Variants in TLL2 observed in about 807,000 individuals in gnomAD.
The protein encoded by TLL2 is tolloid-like protein 2.
TLL2 carries 106 observed loss-of-function variants against 123.0 expected under a neutral mutation model. The ratio of observed to expected loss-of-function variants is 0.86; its 90% CI spans 0.74 to 1.01. The LOEUF (loss-of-function observed/expected upper bound fraction) is 1.01, where lower values mean the gene tolerates loss of function less well. TLL2 is among the 50% of genes least tolerant of loss of function. The pLI is 0.00. For synonymous variants in TLL2, 494 were observed against 516.8 expected, an observed-to-expected ratio of 0.96 and a Z score of 0.60; for missense variants, 1,332 against 1,336.7, an observed-to-expected ratio of 1.00 and a Z score of 0.06.
At position 96,395,968 on chromosome 10, in the gene TLL2, G is replaced by C. The variant is rs1427934323; in HGVS notation, c.1437C>G (p.Asn479Lys). ...TGGAAGGTCTGTAGTCATCCGGATA[G>C]TTGGGAGATTGAATCTGACCGGCAT... is the stretch of plus-strand genomic sequence containing the variant. Reference protein sequence around the residue: ...NKDAGQIQSPNYPDDYRPSKE... With the variant: ...NKDAGQIQSPKYPDDYRPSKE... The change falls in exon 12 of 21, where the codon AAC (asparagine) becomes AAG (lysine). Residue 479 changes from asparagine (N) to lysine (K), a missense_variant. Transcript: ENST00000357947. 6.2e-7 allele frequency: 1 copy of C among 1,614,074 alleles called. No homozygotes were observed. Among genetic ancestry groups the C allele is most frequent in the African/African-American group, 1.3e-5 (1 of 74,926 alleles).
At chr10:96,418,921 C>A (rs1423560506) in intron 7 of TLL2, among the ~76,000 whole-genome samples, 1 of 151,140 alleles carries the variant, frequency 6.6e-6, no homozygotes, top group Non-Finnish European at 1.5e-5. Flanking sequence ...AGAAACAAGA[C>A]CCAAGGAAAA....
intron 3 of TLL2, among the ~76,000 whole-genome samples, chr10:96,438,690 A>G (rs574647400): frequency 9.2e-5 from 14 of 152,342 alleles, no homozygotes; most frequent in East Asian, 5.8e-4. Context: ...TTCCAGAACT[A>G]TGCTGAATGA....
Position 96,384,664 on chromosome 10 carries a change from T to G in TLL2, c.2117A>C (p.Gln706Pro). 6.2e-7 allele frequency: 1 copy of G among 1,613,116 alleles called. No individual in the cohort carries two copies. Among genetic ancestry groups the G allele is most frequent in the Non-Finnish European group, 8.5e-7 (1 of 1,179,392 alleles). ...GSETPEVITS[Q>P]SNNMRVEFKS... ...GAACTCCACGCGCATGTTGTTGCTC[T>G]GCGAGGTGATGACCTCCGGCGTCTC... The change falls in exon 16 of 21, where the codon CAG becomes CCG. Residue 706 changes from glutamine (Q) to proline (P), a missense_variant. Coordinates refer to ENST00000357947, the MANE Select transcript of TLL2 (RefSeq NM_012465.4).
At chr10:96,428,839 T>A (rs540486921) in intron 4 of TLL2, 91 bp from the exon 5 acceptor site, 75 of 858,556 alleles carry the variant, frequency 8.7e-5, no homozygotes, top group Non-Finnish European at 1.3e-4. Flanking sequence ...AGTTTTGCCT[T>A]TGTTGCCCAG....
intron 3 of TLL2, among the ~76,000 whole-genome samples, chr10:96,434,650 T>A (rs1846775647): frequency 6.6e-6 from 1 of 152,250 alleles, no homozygotes; most frequent in Non-Finnish European, 1.5e-5. Context: ...CTATGAACAT[T>A]CATATACACA....
In TLL2 at chr10:96,397,274, C is replaced by T. The variant is rs2134063644; in HGVS notation, c.1296G>A (p.Glu432=). The change falls in exon 11 of 21, where the codon GAG becomes GAA. Residue 432 remains glutamate, a synonymous_variant. Transcript: ENST00000357947. ...GCCGGCTGTCCGTGGAGACGAGGGG[C>T]TCCGGGATCTTATCGCCACAAAACC... The part of the protein sequence containing the change: ...LGRFCGDKIP[E]PLVSTDSRLW... The T allele has an allele frequency of 6.2e-7, 1 of 1,613,616 alleles. No individual in the cohort carries two copies. The highest frequency in any genetic ancestry group is 8.5e-7 in the Non-Finnish European group (1 of 1,179,738).
intron 10 of TLL2, among the ~76,000 whole-genome samples, chr10:96,400,856 C>T (rs1433823396): frequency 6.6e-6 from 1 of 152,206 alleles, no homozygotes; most frequent in Non-Finnish European, 1.5e-5. Flanking sequence ...CTCTCTGCAG[C>T]CAACTTCCTC....
chr10:96,486,211 G>T (rs1374507253), intron 1 of TLL2, among the ~76,000 whole-genome samples: 1 of 152,152 alleles, frequency 6.6e-6, no homozygotes, highest in Non-Finnish European at 1.5e-5. Context: ...ACTATACGTG[G>T]AATAAATGTT....
At chr10:96,496,121 AC>A (rs1847472616) in intron 1 of TLL2, among the ~76,000 whole-genome samples, 1 of 152,144 alleles carries the variant, frequency 6.6e-6, no homozygotes. Context: ...CTTTTCCTAC[AC>A]CAGAAAAGGC....
At position 96,370,314 on chromosome 10, in the gene TLL2, C is replaced by T. The variant is rs377265323; in HGVS notation, c.2664G>A (p.Glu888=). 2.2e-5 allele frequency: 34 copies of T among 1,566,908 alleles called. No individual in the cohort carries two copies. Among genetic ancestry groups the T allele is most frequent in the Non-Finnish European group, 2.9e-5 (34 of 1,154,506 alleles). The change falls in exon 20 of 21, where the codon GAG becomes GAA. Residue 888 remains glutamate (E), a splice_region_variant and synonymous_variant. Transcript: ENST00000357947. ...RKGFQAVHST[E]CGGRLKAEVQ... is the part of the protein sequence containing the mutation. ...CTTCAGCCTTCAGCCTGCCCCCGCA[C>T]TCTGGAGCAGAGAGAAGTGAGATGT...
intron 11 of TLL2, 78 bp downstream of exon 11, chr10:96,397,108 G>T: frequency 7.5e-7 from 1 of 1,340,936 alleles, no homozygotes; most frequent in Non-Finnish European, 1.0e-6. Context: ...GTCTGGGCTG[G>T]GAGAGGGACA....
At chr10:96,454,623 A>G (rs569374590) in intron 2 of TLL2, among the ~76,000 whole-genome samples, 1 of 152,180 alleles carries the variant, frequency 6.6e-6, no homozygotes, top group South Asian at 2.1e-4. Flanking sequence ...GTCCATATCT[A>G]TTAAATCTCT....
chr10:96,502,968 T>C (rs1406758116), intron 1 of TLL2, among the ~76,000 whole-genome samples: 2 of 152,172 alleles, frequency 1.3e-5, no homozygotes, highest in Non-Finnish European at 2.9e-5. Context: ...GGTGGCGTGA[T>C]CACAGATAGG....
chr10:96,373,618 G>T lies in TLL2; in HGVS notation c.2640C>A (p.Gly880=). 6.2e-7 allele frequency: 1 copy of T among 1,614,248 alleles called. No homozygotes were observed. The highest frequency in any genetic ancestry group is 8.5e-7 in the Non-Finnish European group (1 of 1,180,044). The change falls in exon 19 of 21, where the codon GGC becomes GGA. Residue 880 remains glycine (G), a synonymous_variant. Transcript: ENST00000357947. ...TACCTGTGCTGTGCACTGCCTGGAA[G>T]CCTTTCCTCTGCACTGAGGCATCCG... ...FYSDASVQRK[G]FQAVHSTECG... is the part of the protein sequence containing the mutation.
rs1211541670 is a variant in TLL2 at position 96,513,262 on chromosome 10, G to A, written c.175+249C>T. ...GGCGCCCTCTCGGCCTCTGGCACCC[G>A]CTCTGATTCGCTTTGGGAACGCGCC... On this transcript the variant is annotated intron_variant, in intron 1 of 20. Coordinates refer to ENST00000357947, the MANE Select transcript of TLL2 (RefSeq NM_012465.4). Among the ~76,000 whole-genome samples the A allele has an allele frequency of 2.6e-5, 4 of 152,276 alleles. No individual in the cohort carries two copies. Among genetic ancestry groups the A allele is most frequent in the African/African-American group, 9.6e-5 (4 of 41,570 alleles).
chr10:96,461,574 G>T (rs1376372350), intron 2 of TLL2, among the ~76,000 whole-genome samples: 1 of 152,166 alleles, frequency 6.6e-6, no homozygotes, highest in African/African-American at 2.4e-5. Flanking sequence ...TTCCTGTGCT[G>T]CTCAGTTCTC....
Position 96,373,878 on chromosome 10 carries a change from G to A in TLL2, c.2449-69C>T. The A allele has an allele frequency of 2.1e-6, 3 of 1,447,016 alleles. No homozygotes were observed. In the South Asian group the frequency reaches 3.6e-5, roughly 17 times the overall value. 89.6% of individuals were successfully genotyped at this position (1,447,016 alleles called of 1,614,324 possible). On this transcript the variant is annotated intron_variant, in intron 18 of 20. Transcript: ENST00000357947. ...AGCTGGGGTGGGGGCCTCCTTTCCA[G>A]TTCTGGGACAGGAAGGGGCGAGGCA...
Position 96,413,323 on chromosome 10 carries a change from G to C in TLL2, c.924-7C>G. 6.2e-7 allele frequency: 1 copy of C among 1,610,182 alleles called. No homozygotes were observed. The highest frequency in any genetic ancestry group is 1.1e-5 in the South Asian group (1 of 90,816). ...GGTGTCTAAGAAAACTCCTCTACAG[G>C]AAGGAAAAAAGACAGAAAAAGAAAA... On this transcript the variant is annotated splice_region_variant and splice_polypyrimidine_tract_variant and intron_variant, in intron 7 of 20. Transcript: ENST00000357947.
intron 10 of TLL2, among the ~76,000 whole-genome samples, chr10:96,400,037 C>G (rs1409880475): frequency 1.3e-5 from 2 of 152,232 alleles, no homozygotes; most frequent in African/African-American, 4.8e-5. Flanking sequence ...CACTTTGTCA[C>G]TCTTAACTAG....
Sources: allele counts gnomAD v4.1 joint callset (sites outside exome capture counted in the v4.1 genomes callset), GRCh38; gene constraint gnomAD v4.1.1; transcripts MANE v1.5; gene names NCBI Gene and HGNC (gene_info 2026-07-23, HGNC 2026-07-21).